CNOT4: variants seen among roughly 807,000 people sequenced by gnomAD.
The protein encoded by CNOT4 is CCR4-NOT transcription complex subunit 4, also known as CCR4-associated factor 4.
Under a neutral mutation model 73.8 loss-of-function variants are expected in CNOT4, and 8 were observed. The observed-to-expected ratio is 0.11, with a 90% confidence interval of 0.06 to 0.20. The LOEUF is 0.20. CNOT4 is among the 10% of genes least tolerant of loss of function. The pLI is 1.00. For missense variants in CNOT4, 564 were observed against 883.4 expected (o/e 0.64, Z 4.58); for synonymous variants, 293 against 321.1 (o/e 0.91, Z 0.94).
At chr7:135,444,515 G>C (rs1799696538) in intron 1 of CNOT4, 1 of 1,019,686 alleles carries the variant, frequency 9.8e-7, no homozygotes, top group Non-Finnish European at 1.6e-6. Flanking sequence ...CTCTGTTGCT[G>C]TGAACGCCAG....
chr7:135,499,543 C>T (rs1487104888), intron 1 of CNOT4, among the ~76,000 whole-genome samples: 1 of 151,950 alleles, frequency 6.6e-6, no homozygotes, highest in Non-Finnish European at 1.5e-5. Flanking sequence ...CTCAAATTTT[C>T]GAACAGTTTG....
intron 1 of CNOT4, among the ~76,000 whole-genome samples, chr7:135,460,225 T>C (rs866870104): frequency 4.5e-4 from 69 of 152,242 alleles, no homozygotes; most frequent in African/African-American, 1.5e-3. Flanking sequence ...TTATCATTCA[T>C]GTGTTCACTG....
chr7:135,461,810 C>T (rs1009841046), intron 1 of CNOT4, among the ~76,000 whole-genome samples: 4 of 151,656 alleles, frequency 2.6e-5, no homozygotes, highest in South Asian at 2.1e-4. Flanking sequence ...CCAGCCTGGG[C>T]GACAGAGCGA....
At chr7:135,505,772 G>A (rs961432839) in intron 1 of CNOT4, among the ~76,000 whole-genome samples, 2 of 151,924 alleles carry the variant, frequency 1.3e-5, no homozygotes, top group Non-Finnish European at 2.9e-5. Flanking sequence ...ACAAAATAGT[G>A]GTGAAATTTT....
At chr7:135,381,487 C>T (rs1292604609) in intron 10 of CNOT4, among the ~76,000 whole-genome samples, 1 of 152,196 alleles carries the variant, frequency 6.6e-6, no homozygotes, top group African/African-American at 2.4e-5. Context: ...CACTGCCCCC[C>T]ACTGCCTTTT....
At chr7:135,448,841 T>C (rs552887008) in intron 1 of CNOT4, among the ~76,000 whole-genome samples, 75 of 151,920 alleles carry the variant, frequency 4.9e-4, no homozygotes, top group African/African-American at 1.7e-3. Context: ...AAAAGTACAT[T>C]TGAACTGGCA....
In CNOT4 at chr7:135,444,356, A is replaced by T; in HGVS notation, c.-92-5933T>A. ...ATTTTTGACAATAGCCAAAAAATGGAAAGTAATCCAAGTGTCCATCAATGG... is the reference window on the plus strand; with the variant it reads ...ATTTTTGACAATAGCCAAAAAATGGTAAGTAATCCAAGTGTCCATCAATGG... On this transcript the variant is annotated intron_variant, in intron 1 of 11. Coordinates refer to ENST00000541284, the MANE Select transcript of CNOT4 (RefSeq NM_001190850.2). 4 of 663,996 alleles carry T rather than the reference A, an allele frequency of 6.0e-6. No individual in the cohort carries two copies. In the South Asian group the frequency reaches 6.4e-5, roughly 11 times the overall value. 41.1% of individuals were successfully genotyped at this position (663,996 alleles called of 1,614,324 possible). A position where few individuals can be genotyped will look rare whatever the true frequency, so the allele number is the denominator to read the frequency against.
At chr7:135,381,533 T>A (rs114982330) in intron 10 of CNOT4, among the ~76,000 whole-genome samples, 2,228 of 152,328 alleles carry the variant, frequency 0.015, 57 homozygotes, top group African/African-American at 0.051. Flanking sequence ...ATTCACAAGC[T>A]TAAGTTGCAG....
Position 135,362,752 on chromosome 7 carries a change from G to C in CNOT4, c.*133C>G, listed in dbSNP as rs2129482276. ...GTGATCGCATTGCATCTGGGGTTAG[G>C]GAGAAAAAAAATTGATCAGGTACTG... On this transcript the variant is annotated 3_prime_UTR_variant, in exon 12 of 12. Transcript: ENST00000541284. The C allele has an allele frequency of 1.1e-6, 1 of 876,604 alleles. No homozygotes were observed. Among genetic ancestry groups the C allele is most frequent in the East Asian group, 2.4e-5 (1 of 41,662 alleles). The allele number at this position is 876,604 out of a possible 1,614,324, so 54.3% of individuals were successfully genotyped here.
intron 8 of CNOT4, among the ~76,000 whole-genome samples, chr7:135,396,265 G>A (rs10237026): frequency 0.054 from 8,198 of 151,614 alleles, 698 homozygotes; most frequent in African/African-American, 0.18. Context: ...CTACAGGCGC[G>A]TGCCACCACG....
At chr7:135,469,238 T>G (rs1429729178) in intron 1 of CNOT4, among the ~76,000 whole-genome samples, 1 of 152,122 alleles carries the variant, frequency 6.6e-6, no homozygotes, top group African/African-American at 2.4e-5. Context: ...CATAAGGATC[T>G]CTTTAGTGAA....
intron 3 of CNOT4, among the ~76,000 whole-genome samples, chr7:135,418,396 T>C (rs1023871426): frequency 6.6e-6 from 1 of 152,128 alleles, no homozygotes; most frequent in Non-Finnish European, 1.5e-5. Flanking sequence ...CCTACTAACA[T>C]AGAAAATAAG....
At chr7:135,383,245 A>G (rs1047331202) in intron 10 of CNOT4, among the ~76,000 whole-genome samples, 1 of 152,198 alleles carries the variant, frequency 6.6e-6, no homozygotes, top group Non-Finnish European at 1.5e-5. Flanking sequence ...CCAGTTTGCA[A>G]GTGAGCTTGG....
chr7:135,454,517 A>T (rs527311674), intron 1 of CNOT4, among the ~76,000 whole-genome samples: 58 of 27,744 alleles, frequency 2.1e-3, no homozygotes, highest in Admixed American at 9.5e-3. Context: ...TTAAAAAATT[A>T]AAAAAAAATA....
At chr7:135,444,669 A>G (rs1323404150) in intron 1 of CNOT4, 2 of 1,164,618 alleles carry the variant, frequency 1.7e-6, no homozygotes, top group Non-Finnish European at 2.6e-6. Context: ...GAAGGTTTTC[A>G]GTGTTTTGCT....
chr7:135,467,120 A>G (rs1379749794), intron 1 of CNOT4, among the ~76,000 whole-genome samples: 2 of 152,240 alleles, frequency 1.3e-5, no homozygotes, highest in Non-Finnish European at 2.9e-5. Flanking sequence ...GAAAGATCCT[A>G]TTAGGCATAT....
At chr7:135,507,547 C>T (rs952930660) in intron 1 of CNOT4, among the ~76,000 whole-genome samples, 5 of 151,930 alleles carry the variant, frequency 3.3e-5, no homozygotes, top group Admixed American at 1.3e-4. Context: ...TCAGTAACTG[C>T]GGGCAAAAAT....
chr7:135,367,636 T>C (rs1440335708), intron 10 of CNOT4, among the ~76,000 whole-genome samples: 1 of 152,204 alleles, frequency 6.6e-6, no homozygotes, highest in African/African-American at 2.4e-5. Context: ...AGGCAGGGTA[T>C]TTCTTACTGC....
At chr7:135,504,106 T>C (rs1585746449) in intron 1 of CNOT4, among the ~76,000 whole-genome samples, 1 of 152,192 alleles carries the variant, frequency 6.6e-6, no homozygotes, top group African/African-American at 2.4e-5. Flanking sequence ...TTCCACTCTA[T>C]TCCAAACTCT....
Sources: gnomAD v4.1 joint callset for allele counts (sites outside exome capture counted in the v4.1 genomes callset) on GRCh38, gnomAD v4.1.1 for gene constraint, MANE v1.5 for transcripts, NCBI Gene and HGNC (gene_info 2026-07-23, HGNC 2026-07-21) for gene names.